Variants in BCAS3 observed in about 807,000 individuals in gnomAD.
BCAS3 encodes BCAS4/BCAS3 fusion.
BCAS3 carries 53 observed loss-of-function variants against 116.1 expected under a neutral mutation model. That is an observed-to-expected ratio of 0.46 (90% CI 0.37 to 0.57). BCAS3 has a LOEUF of 0.57. Ranked by LOEUF, BCAS3 falls within the 20% of genes least tolerant of loss-of-function variation. The pLI is 0.00. For synonymous variants in BCAS3, 391 were observed against 408.2 expected (o/e 0.96, Z 0.51); for missense variants, 917 against 1,165.4 (o/e 0.79, Z 3.10).
At position 61,249,908 on chromosome 17, in the gene BCAS3, T is replaced by G. The variant is rs2048245761; in HGVS notation, c.2426-118419T>G. ...TAAAGCTCCCTTTTGAGATGATTTC[T>G]TAGGGTACTAAAATATCACCTGCCC... On this transcript the variant is annotated intron_variant, in intron 22 of 23. Coordinates refer to ENST00000407086, the MANE Select transcript of BCAS3 (RefSeq NM_017679.5). This position sits in a 1 kb window ranked among gnomAD's most constrained non-coding sequence, Gnocchi z 6.2. 6.6e-6 allele frequency among the ~76,000 whole-genome samples: 1 copy of G among 152,222 alleles called. No homozygotes were observed. The highest frequency in any genetic ancestry group is 2.1e-4 in the South Asian group (1 of 4,828).
chr17:61,352,890 G>A lies in BCAS3; in HGVS notation c.2426-15437G>A, dbSNP rs1349269606. Among the ~76,000 whole-genome samples, 1 of 152,244 alleles carries A rather than the reference G, an allele frequency of 6.6e-6. No individual in the cohort carries two copies. Among genetic ancestry groups the A allele is most frequent in the Non-Finnish European group, 1.5e-5 (1 of 68,048 alleles). The stretch of plus-strand genomic sequence containing the variant: ...CTCCTGCTCGGCTCCTAGGCTGCTA[G>A]CGGGAGGTATGAATTTCTCTTGTTT... On this transcript the variant is annotated intron_variant, in intron 22 of 23. Coordinates refer to ENST00000407086, the MANE Select transcript of BCAS3 (RefSeq NM_017679.5). The surrounding 1 kb of genome is among the most constrained non-coding windows in gnomAD (Gnocchi z 4.7).
In BCAS3 at chr17:60,973,454, A is replaced by C. The variant is rs150648983; in HGVS notation, c.1222-16517A>C. ...TGTTGGATTTGCCTCTCAGTAGTTAAATCTATATAATCATCACCACAATCA... is the reference window on the plus strand; with the variant it reads ...TGTTGGATTTGCCTCTCAGTAGTTACATCTATATAATCATCACCACAATCA... On this transcript the variant is annotated intron_variant, in intron 14 of 23. Coordinates refer to ENST00000407086, the MANE Select transcript of BCAS3 (RefSeq NM_017679.5). 2.4e-3 allele frequency among the ~76,000 whole-genome samples: 359 copies of C among 152,058 alleles called. 3 individuals carry two copies. The highest frequency in any genetic ancestry group is 8.3e-3 in the African/African-American group (345 of 41,446).
intron 7 of BCAS3, among the ~76,000 whole-genome samples, chr17:60,834,123 G>A (rs1176547096): frequency 1.3e-5 from 2 of 152,010 alleles, no homozygotes; most frequent in Non-Finnish European, 2.9e-5. Context: ...TATGTAAAAT[G>A]AATGTAAATA....
At chr17:61,148,645 T>C (rs2077376166) in intron 22 of BCAS3, among the ~76,000 whole-genome samples, 1 of 152,222 alleles carries the variant, frequency 6.6e-6, no homozygotes, top group Non-Finnish European at 1.5e-5. Flanking sequence ...CATTGTATGT[T>C]CCACTCCATT....
At chr17:60,915,687 C>CTT (rs372948619) in intron 12 of BCAS3, among the ~76,000 whole-genome samples, 2 of 136,302 alleles carry the variant, frequency 1.5e-5, no homozygotes, top group Non-Finnish European at 3.0e-5. Context: ...TTTTTCTTTT[C>CTT]TTTTTTTTTT....
chr17:60,773,715 A>G (rs2044982681), intron 6 of BCAS3, among the ~76,000 whole-genome samples: 1 of 152,026 alleles, frequency 6.6e-6, no homozygotes, highest in Non-Finnish European at 1.5e-5. Context: ...TGGCGTGATC[A>G]TGGCTCACAG....
At position 61,276,637 on chromosome 17, in the gene BCAS3, C is replaced by T. The variant is rs1193314828; in HGVS notation, c.2426-91690C>T. 6.6e-6 allele frequency among the ~76,000 whole-genome samples: 1 copy of T among 152,126 alleles called. No homozygotes were observed. The highest frequency in any genetic ancestry group is 1.5e-5 in the Non-Finnish European group (1 of 68,028). The stretch of plus-strand genomic sequence containing the variant: ...AATTGATCTACAGATTCAACACAAT[C>T]TCTATCAAAATGATCTCTATCAAAA... On this transcript the variant is annotated intron_variant, in intron 22 of 23. Coordinates refer to ENST00000407086, the MANE Select transcript of BCAS3 (RefSeq NM_017679.5). The surrounding 1 kb of genome is among the most constrained non-coding windows in gnomAD (Gnocchi z 4.2).
intron 7 of BCAS3, among the ~76,000 whole-genome samples, chr17:60,827,075 C>G (rs532671812): frequency 1.1e-4 from 16 of 152,186 alleles, no homozygotes; most frequent in African/African-American, 3.9e-4. Flanking sequence ...ATGGAACTAA[C>G]AAGGGTTTTG....
intron 22 of BCAS3, among the ~76,000 whole-genome samples, chr17:61,272,085 G>C (rs978769276): frequency 6.6e-6 from 1 of 152,116 alleles, no homozygotes; most frequent in African/African-American, 2.4e-5. Context: ...GCTGGAATTA[G>C]AGATGTAAGC....
intron 22 of BCAS3, among the ~76,000 whole-genome samples, chr17:61,155,247 T>C (rs2077764915): frequency 6.6e-6 from 1 of 152,162 alleles, no homozygotes; most frequent in Admixed American, 6.5e-5. Context: ...CAGTTTGATA[T>C]GAATTTTGGT....
intron 7 of BCAS3, among the ~76,000 whole-genome samples, chr17:60,854,941 T>C (rs1024577552): frequency 1.3e-5 from 2 of 150,774 alleles, no homozygotes; most frequent in Non-Finnish European, 2.9e-5. Context: ...TTATTTATTT[T>C]CAGTGAGGTT....
chr17:61,008,041 GACACAC>G lies in BCAS3; in HGVS notation c.1487-7692_1487-7687del, dbSNP rs149531395. On this transcript the variant is annotated intron_variant, in intron 15 of 23. Coordinates refer to ENST00000407086, the MANE Select transcript of BCAS3 (RefSeq NM_017679.5). The surrounding 1 kb of genome is among the most constrained non-coding windows in gnomAD (Gnocchi z 4.6). The stretch of plus-strand genomic sequence containing the variant: ...CTTTAAAAATGTGTGTCTGTGTGTC[GACACAC>G]ACACACACACACACACATAAAATTC... 3.3e-5 allele frequency among the ~76,000 whole-genome samples: 5 copies of G among 149,316 alleles called. No homozygotes were observed. The highest frequency in any genetic ancestry group is 3.9e-4 in the East Asian group (2 of 5,076).
At position 61,037,840 on chromosome 17, in the gene BCAS3, C is replaced by T; in HGVS notation, c.1763-49C>T. 4.6e-6 allele frequency: 7 copies of T among 1,524,786 alleles called. No homozygotes were observed. Among genetic ancestry groups the T allele is most frequent in the Non-Finnish European group, 6.3e-6 (7 of 1,110,884 alleles). 94.5% of individuals were successfully genotyped at this position (1,524,786 alleles called of 1,614,324 possible). A position where few individuals can be genotyped will look rare whatever the true frequency, so the allele number is the denominator to read the frequency against. ...ATTAACTTGTAAAAATTATTCTGTG[C>T]TCCATTTATGCCATCATAACACATC... On this transcript the variant is annotated intron_variant, in intron 17 of 23. Transcript: ENST00000407086. The surrounding 1 kb of genome is among the most constrained non-coding windows in gnomAD (Gnocchi z 4.7).
chr17:61,207,566 A>T (rs965960348), intron 22 of BCAS3, among the ~76,000 whole-genome samples: 2 of 151,808 alleles, frequency 1.3e-5, no homozygotes, highest in African/African-American at 4.8e-5. Context: ...AGGTATTATC[A>T]TCTAGTTGAT....
rs1320538695 is a variant in BCAS3 at position 61,126,029 on chromosome 17, A to C, written c.2425+41465A>C. Among the ~76,000 whole-genome samples, 1 of 152,168 alleles carries C rather than the reference A, an allele frequency of 6.6e-6. No individual in the cohort carries two copies. Among genetic ancestry groups the C allele is most frequent in the Non-Finnish European group, 1.5e-5 (1 of 68,000 alleles). ...GTTGAGATTCTACTTGAATTGTGTT[A>C]TTGGGAATTCTGAGTAATGTGAAAT... On this transcript the variant is annotated intron_variant, in intron 22 of 23. Coordinates refer to ENST00000407086, the MANE Select transcript of BCAS3 (RefSeq NM_017679.5). This position sits in a 1 kb window ranked among gnomAD's most constrained non-coding sequence, Gnocchi z 4.6.
At chr17:60,976,521 A>G (rs2145374385) in intron 14 of BCAS3, among the ~76,000 whole-genome samples, 1 of 151,766 alleles carries the variant, frequency 6.6e-6, no homozygotes, top group East Asian at 1.9e-4. Flanking sequence ...ACAATAGTGG[A>G]GGGAAGGTCA....
intron 22 of BCAS3, among the ~76,000 whole-genome samples, chr17:61,297,913 A>G (rs946117759): frequency 2.0e-5 from 3 of 152,188 alleles, no homozygotes; most frequent in Non-Finnish European, 2.9e-5. Context: ...TTCCAATAGT[A>G]TCAAACGACT....
intron 14 of BCAS3, among the ~76,000 whole-genome samples, chr17:60,975,836 T>C (rs912681773): frequency 5.3e-5 from 8 of 152,130 alleles, no homozygotes; most frequent in Non-Finnish European, 1.2e-4. Flanking sequence ...GCATAATGCT[T>C]CAAAGTTCAT....
At chr17:61,280,284 T>G (rs1285765326) in intron 22 of BCAS3, among the ~76,000 whole-genome samples, 1 of 152,212 alleles carries the variant, frequency 6.6e-6, no homozygotes, top group East Asian at 1.9e-4. Flanking sequence ...GAAGCAGGAT[T>G]CTGAGCAAAT....
Sources: allele counts gnomAD v4.1 joint callset (sites outside exome capture counted in the v4.1 genomes callset), GRCh38; gene constraint gnomAD v4.1.1; non-coding constraint Gnocchi (gnomAD v3.1); transcripts MANE v1.5; gene names NCBI Gene and HGNC (gene_info 2026-07-23, HGNC 2026-07-21).